Variants in RUBCN observed in about 807,000 individuals in gnomAD.
RUBCN encodes run domain Beclin-1-interacting and cysteine-rich domain-containing protein.
RUBCN carries 74 observed loss-of-function variants against 113.2 expected under a neutral mutation model. The ratio of observed to expected loss-of-function variants is 0.65; its 90% confidence interval spans 0.54 to 0.79. The LOEUF is 0.79. RUBCN is among the 30% of genes least tolerant of loss of function. RUBCN has a pLI of 0.00. For synonymous variants in RUBCN, 480 were observed against 490.0 expected, an observed-to-expected ratio of 0.98 and a Z score of 0.27; for missense variants, 1,109 against 1,251.7, an observed-to-expected ratio of 0.89 and a Z score of 1.72.
rs139844096 is a variant in RUBCN, at chr3:197,703,576, C to T, written c.542G>A (p.Arg181His). The stretch of plus-strand genomic sequence containing the variant: ...GGACGCATCGATCTGAGCCAGGAGG[C>T]GGGGGTTGTTCTGTTCCACTGCTTC... Reference protein sequence around the residue: ...CLEAVEQNNPRLLAQIDASMF... With the variant: ...CLEAVEQNNPHLLAQIDASMF... Residue 181 changes from arginine (R) to histidine (H), a missense_variant, in exon 5 of 20, where the codon CGC (arginine) becomes CAC (histidine). Physicochemically the swap from Arg to His is conservative, Grantham distance 29. This residue lies in a region of RUBCN where 736 missense variants were observed against 779.6 expected (regional missense o/e 0.94). Transcript: ENST00000296343. 261 of 1,613,508 alleles carry T rather than the reference C, an allele frequency of 1.6e-4. 1 individual carries two copies. The East Asian group carries it at 4.8e-3, about 30-fold the overall frequency.
Position 197,674,439 on chromosome 3 carries a change from G to GA in RUBCN, c.*578dup. On this transcript the variant is annotated 3_prime_UTR_variant, in exon 20 of 20. Transcript: ENST00000296343. The stretch of plus-strand genomic sequence containing the variant: ...CCTCTGAGGTCTCTGAGGAGTCTAG[G>GA]ATAGTCAGGATTGTTCTGTGGCCCC... The GA allele has an allele frequency of 5.3e-6, 2 of 380,580 alleles. No homozygotes were observed. Among genetic ancestry groups the GA allele is most frequent in the Non-Finnish European group, 1.1e-5 (2 of 181,712 alleles). 23.6% of individuals were successfully genotyped at this position (380,580 alleles called of 1,614,324 possible).
In RUBCN at chr3:197,669,194, T is replaced by A. The variant is rs1470069579; in HGVS notation, c.*5824A>T. Among the ~76,000 whole-genome samples the A allele has an allele frequency of 6.6e-6, 1 of 152,220 alleles. No homozygotes were observed. The highest frequency in any genetic ancestry group is 1.5e-5 in the Non-Finnish European group (1 of 68,044). ...TCTTACATTACTGTAGTACTGGACA[T>A]TTCCCAAAACTAAGGAACCAACATT... On this transcript the variant is annotated 3_prime_UTR_variant, in exon 20 of 20. Transcript: ENST00000296343.
intron 7 of RUBCN, among the ~76,000 whole-genome samples, chr3:197,698,005 C>T (rs1723200764): frequency 6.6e-6 from 1 of 152,158 alleles, no homozygotes; most frequent in Non-Finnish European, 1.5e-5. Flanking sequence ...AACTAGTAGT[C>T]GCCACGATGC....
At chr3:197,684,013 G>C (rs949870169) in intron 12 of RUBCN, 144 bp downstream of exon 12, 8 of 656,710 alleles carry the variant, frequency 1.2e-5, no homozygotes, top group African/African-American at 5.5e-5. Context: ...CCGTGGGCTC[G>C]GCACCATCAG....
chr3:197,728,819 G>C (rs79269827), intron 1 of RUBCN, among the ~76,000 whole-genome samples: 12,948 of 152,204 alleles, frequency 0.085, 634 homozygotes, highest in Middle Eastern at 0.12. Context: ...CCTTCTAAAG[G>C]AGCGTCATTT....
intron 11 of RUBCN, among the ~76,000 whole-genome samples, 181 bp downstream of exon 11, chr3:197,693,534 C>G (rs986490265): frequency 9.8e-5 from 15 of 152,322 alleles, no homozygotes; most frequent in Admixed American, 9.2e-4. Flanking sequence ...ACACCTGCTT[C>G]CAGTGTTCTT....
At position 197,718,249 on chromosome 3, in the gene RUBCN, C is replaced by G; in HGVS notation, c.66-119G>C. The G allele has an allele frequency of 3.6e-6, 4 of 1,099,284 alleles. No individual in the cohort carries two copies. The Middle Eastern group carries it at 8.8e-4, about 243-fold the overall frequency. 68.1% of individuals were successfully genotyped at this position (1,099,284 alleles called of 1,614,324 possible). A position where few individuals can be genotyped will look rare whatever the true frequency, so the allele number is the denominator to read the frequency against. ...CCCACATCCTAACATTCTCTCCCCT[C>G]TTAATTTTTACTTGGGCACAAAACT... On this transcript the variant is annotated intron_variant, in intron 1 of 19. Transcript: ENST00000296343.
At chr3:197,749,618 A>T (rs1451745333) in exon 1 of RUBCN, 3 of 1,051,814 alleles carry the variant, frequency 2.9e-6, no homozygotes, top group Non-Finnish European at 3.9e-6. Context: ...AAGGACACGG[A>T]GGATTATATC....
At chr3:197,712,540 C>T (rs1234420925) in intron 2 of RUBCN, among the ~76,000 whole-genome samples, 1 of 152,120 alleles carries the variant, frequency 6.6e-6, no homozygotes, top group Non-Finnish European at 1.5e-5. Context: ...AAAACAAGTT[C>T]TTGACGCAGA....
intron 3 of RUBCN, 105 bp from the exon 4 acceptor site, chr3:197,704,806 T>C (rs1288362881): frequency 8.0e-7 from 1 of 1,254,804 alleles, no homozygotes; most frequent in East Asian, 2.4e-5. Flanking sequence ...GGGAAATGCT[T>C]TGAAAGGCTT....
intron 18 of RUBCN, 140 bp downstream of exon 18, chr3:197,676,745 A>G (rs1419087974): frequency 6.5e-7 from 1 of 1,538,676 alleles, no homozygotes. Flanking sequence ...AAGGAACAGC[A>G]GCCCTTTCCA....
intron 2 of RUBCN, among the ~76,000 whole-genome samples, chr3:197,707,070 G>A (rs1314358732): frequency 2.1e-5 from 3 of 143,638 alleles, no homozygotes; most frequent in Admixed American, 1.3e-4. Flanking sequence ...GTGGCCGGGC[G>A]CGGTGGCTCA....
At chr3:197,738,686 A>T (rs1219360536), upstream of RUBCN, among the ~76,000 whole-genome samples, 1 of 151,828 alleles carries the variant, frequency 6.6e-6, no homozygotes, top group Non-Finnish European at 1.5e-5. Flanking sequence ...CCTCAAGCGG[A>T]TCCTCTCACC....
chr3:197,728,648 G>A (rs1727030376), intron 1 of RUBCN, among the ~76,000 whole-genome samples: 1 of 152,212 alleles, frequency 6.6e-6, no homozygotes, highest in Admixed American at 6.5e-5. Flanking sequence ...CCAACTATAT[G>A]TCAGGCACTG....
chr3:197,681,162 G>A lies in RUBCN; in HGVS notation c.2397C>T (p.Leu799=), dbSNP rs1271677917. 6.2e-7 allele frequency: 1 copy of A among 1,613,970 alleles called. No homozygotes were observed. The highest frequency in any genetic ancestry group is 8.5e-7 in the Non-Finnish European group (1 of 1,179,874). ...GATTGAGCAGCTTGACCTTCCTATA[G>A]AGGGCACTGTTTATGTCCTGCACGT... ...LFNVQDINSA[L]YRKVKLLNQV... The change falls in exon 16 of 20, where the codon CTC becomes CTT. Residue 799 remains leucine (L), a synonymous_variant. Transcript: ENST00000296343. This position sits in a 1 kb window ranked among gnomAD's most constrained non-coding sequence, Gnocchi z 5.5.
At chr3:197,723,728 T>G (rs2108976326) in intron 1 of RUBCN, among the ~76,000 whole-genome samples, 1 of 152,324 alleles carries the variant, frequency 6.6e-6, no homozygotes, top group South Asian at 2.1e-4. Flanking sequence ...CTGAAGCTCA[T>G]ACACACTGGT....
chr3:197,735,688 C>G (rs1728041731), intron 1 of RUBCN, among the ~76,000 whole-genome samples: 1 of 152,058 alleles, frequency 6.6e-6, no homozygotes, highest in Non-Finnish European at 1.5e-5. Context: ...ACTTATTGGA[C>G]TCAAGTGATC....
At chr3:197,695,492 TCGGGAGGCTGAGG>T (rs921223261) in intron 9 of RUBCN, among the ~76,000 whole-genome samples, 1 of 152,040 alleles carries the variant, frequency 6.6e-6, no homozygotes, top group Non-Finnish European at 1.5e-5. Flanking sequence ...TCCCAGCTAC[TCGGGAGGCTGAGG>T]CGGGAGGATT....
Position 197,694,429 on chromosome 3 carries a change from G to A in RUBCN, c.1630C>T (p.Gln544Ter), listed in dbSNP as rs778314439. Residue 544 changes from glutamine (Q) to a stop codon, truncating the protein, a stop_gained, in exon 10 of 20, where the codon CAG (glutamine) becomes TAG (stop). Transcript: ENST00000296343. LOFTEE classifies it high-confidence loss of function. ...ELKQKIRLRR[Q>*]QIRTKNLLPM... Reference sequence around the variant, plus strand: ...AGCAGGTTCTTGGTGCGGATTTGCTGGCGCCGAAGGCGGATCTTCTGCTTC... The same window carrying A: ...AGCAGGTTCTTGGTGCGGATTTGCTAGCGCCGAAGGCGGATCTTCTGCTTC... The A allele has an allele frequency of 6.2e-7, 1 of 1,614,212 alleles. No homozygotes were observed. Among genetic ancestry groups the A allele is most frequent in the Non-Finnish European group, 8.5e-7 (1 of 1,180,040 alleles).
Sources: allele counts gnomAD v4.1 joint callset (sites outside exome capture counted in the v4.1 genomes callset), GRCh38; gene constraint gnomAD v4.1.1; regional missense constraint gnomAD v4.1.1; non-coding constraint Gnocchi (gnomAD v3.1); transcripts MANE v1.5; gene names NCBI Gene and HGNC (gene_info 2026-07-23, HGNC 2026-07-21).